SETX: variants seen among roughly 807,000 people sequenced by gnomAD.
The protein encoded by SETX is senataxin, also known as helicase senataxin.
A neutral mutation model predicts 227.2 loss-of-function variants in SETX; 90 were observed. The observed-to-expected ratio is 0.40, with a 90% CI of 0.33 to 0.47. SETX has a LOEUF of 0.47. Ranked by LOEUF, SETX falls within the 20% of genes least tolerant of loss-of-function variation. SETX has a pLI of 0.91. For synonymous variants in SETX, 1,210 were observed against 1,113.2 expected (o/e 1.09, Z -1.73); for missense variants, 3,052 against 3,181.5 (o/e 0.96, Z 0.98).
chr9:132,333,487 A>G (rs925862003), intron 7 of SETX, among the ~76,000 whole-genome samples: 1 of 150,886 alleles, frequency 6.6e-6, no homozygotes, highest in Non-Finnish European at 1.5e-5. Flanking sequence ...TAACATTAAT[A>G]TATTTATATT....
rs1163054039 is a variant in SETX, at chr9:132,326,501, G to A, written c.5097C>T (p.Asp1699=). Residue 1699 remains aspartate (D), a synonymous_variant, in exon 10 of 26, where the codon GAC becomes GAT. Coordinates refer to ENST00000224140, the MANE Select transcript of SETX (RefSeq NM_015046.7). Reference sequence around the variant, plus strand: ...ATTTTAAGACCTCTTTAACGAAGGTGTCAGAGACAGACTGTGATGACAAAA... The same window carrying A: ...ATTTTAAGACCTCTTTAACGAAGGTATCAGAGACAGACTGTGATGACAAAA... ...NILLSSQSVS[D]TFVKEVLKWK... The A allele has an allele frequency of 1.2e-6, 2 of 1,614,212 alleles. No homozygotes were observed. The highest frequency in any genetic ancestry group is 1.1e-5 in the South Asian group (1 of 91,084).
intron 22 of SETX, among the ~76,000 whole-genome samples, chr9:132,276,645 T>C (rs958417673): frequency 5.9e-5 from 9 of 152,226 alleles, no homozygotes; most frequent in African/African-American, 1.9e-4. Context: ...CATGCCCTTA[T>C]TCACAACCCA....
At chr9:132,309,838 G>A (rs1845550221) in intron 11 of SETX, among the ~76,000 whole-genome samples, 1 of 152,080 alleles carries the variant, frequency 6.6e-6, no homozygotes, top group Non-Finnish European at 1.5e-5. Context: ...TGGGGGCAAA[G>A]GAAGGCAAGA....
In SETX at chr9:132,336,382, T is replaced by A. The variant is rs534870011; in HGVS notation, c.632A>T (p.Tyr211Phe). 6.2e-7 allele frequency: 1 copy of A among 1,614,008 alleles called. No homozygotes were observed. Among genetic ancestry groups the A allele is most frequent in the African/African-American group, 1.3e-5 (1 of 74,928 alleles). ...ACCCTTCTCTAGGACAGAAGAAGTATAAATGTCTGGACTCTCTAAAAGCCC... is the reference window on the plus strand; with the variant it reads ...ACCCTTCTCTAGGACAGAAGAAGTAAAAATGTCTGGACTCTCTAAAAGCCC... ...ELGLLESPDIYTSSVLEKGKL... is the reference protein window; with the variant it reads ...ELGLLESPDIFTSSVLEKGKL... Residue 211 changes from tyrosine to phenylalanine, a missense_variant, in exon 6 of 26, where the codon TAT becomes TTT. Physicochemically the swap from Tyr to Phe is conservative, Grantham distance 22. Transcript: ENST00000224140.
Position 132,264,243 on chromosome 9 carries a change from A to C in SETX, c.8030T>G (p.Leu2677Ter). 4 of 1,613,936 alleles carry C rather than the reference A, an allele frequency of 2.5e-6. No individual in the cohort carries two copies. Among genetic ancestry groups the C allele is most frequent in the Non-Finnish European group, 3.4e-6 (4 of 1,179,976 alleles). The change falls in exon 26 of 26, where the codon TTA becomes TGA. Residue 2677 changes from leucine to a stop codon, truncating the protein, a stop_gained. Transcript: ENST00000224140. LOFTEE classifies it high-confidence loss of function. ...GGCCCATGTCACTGGGCTTTCCTAT[A>C]AAAGCTTTCTTTTCTTGGAACTGCT... Reference protein sequence around the residue: ...EDSSSKKRKLL With the variant: ...EDSSSKKRKL
At chr9:132,278,409 T>C (rs1361814091) in intron 20 of SETX, 152 bp from the exon 21 acceptor site, 2 of 623,154 alleles carry the variant, frequency 3.2e-6, no homozygotes, top group East Asian at 5.9e-5. Context: ...AAGGTGTTTC[T>C]GACTCTGAGC....
At chr9:132,350,308 C>T (rs927985546) in intron 2 of SETX, among the ~76,000 whole-genome samples, 1 of 152,214 alleles carries the variant, frequency 6.6e-6, no homozygotes, top group South Asian at 2.1e-4. Flanking sequence ...CAAGATTGCG[C>T]CACTGCACTC....
intron 20 of SETX, among the ~76,000 whole-genome samples, chr9:132,281,061 A>AT (rs1843472759): frequency 6.6e-6 from 1 of 152,220 alleles, no homozygotes; most frequent in African/African-American, 2.4e-5. Flanking sequence ...TTTAAACAAA[A>AT]ATGAGGAGGG....
At chr9:132,338,217 A>G (rs1381398350) in intron 5 of SETX, among the ~76,000 whole-genome samples, 1 of 149,884 alleles carries the variant, frequency 6.7e-6, no homozygotes, top group African/African-American at 2.5e-5. Flanking sequence ...TGAGCCTCCT[A>G]AGTAGCTGGG....
At chr9:132,312,912 A>C (rs550544535) in intron 10 of SETX, among the ~76,000 whole-genome samples, 2 of 152,362 alleles carry the variant, frequency 1.3e-5, no homozygotes, top group East Asian at 1.9e-4. Flanking sequence ...GGCAATAAAA[A>C]GCCATGGCCT....
intron 10 of SETX, among the ~76,000 whole-genome samples, chr9:132,322,416 T>G (rs1846420863): frequency 6.6e-6 from 1 of 152,140 alleles, no homozygotes. Flanking sequence ...TGACTACTAC[T>G]CATCTTTCTG....
chr9:132,295,882 C>T lies in SETX; in HGVS notation c.6096G>A (p.Lys2032=), dbSNP rs772831321. ...ACAAAAGTATCATACCTAAAGGATTCTTCTTGTCTTTACATTTTTCTTTGA... is the reference window on the plus strand; with the variant it reads ...ACAAAAGTATCATACCTAAAGGATTTTTCTTGTCTTTACATTTTTCTTTGA... The part of the protein sequence containing the change: ...LEFKEKCKDK[K]NPLGNCGDIN... The change falls in exon 15 of 26, where the codon AAG becomes AAA. Residue 2032 remains lysine, a synonymous_variant. Coordinates refer to ENST00000224140, the MANE Select transcript of SETX (RefSeq NM_015046.7). The T allele has an allele frequency of 8.1e-6, 13 of 1,613,240 alleles. No individual in the cohort carries two copies. In the South Asian group the frequency reaches 1.3e-4, roughly 16 times the overall value.
chr9:132,303,008 T>C (rs989404543), intron 11 of SETX, among the ~76,000 whole-genome samples: 29 of 152,114 alleles, frequency 1.9e-4, no homozygotes, highest in African/African-American at 6.5e-4. Context: ...AGCACCTATT[T>C]TTACATTGTT....
intron 22 of SETX, 32 bp downstream of exon 22, chr9:132,277,028 T>C: frequency 1.3e-6 from 2 of 1,536,762 alleles, no homozygotes; most frequent in Non-Finnish European, 1.8e-6. Context: ...ATTCTGGGAC[T>C]ATCAGAGGAC....
At position 132,326,431 on chromosome 9, in the gene SETX, CA is replaced by C. The variant is rs1329467678; in HGVS notation, c.5166del (p.Ala1723GlnfsTer28). ...MFLNFGQCGPPASLCQSISRP... is the reference protein window; with the variant it reads ...MFLNFGQCGPXASLCQSISRP... ...CTTGAGATGGACTGACAAAGACTTG[CA>C]GGGGGCCCACACTGACCAAAGTTCA... is the stretch of plus-strand genomic sequence containing the variant. On this transcript the variant is annotated frameshift_variant, in exon 10 of 26. Coordinates refer to ENST00000224140, the MANE Select transcript of SETX (RefSeq NM_015046.7). LOFTEE classifies it high-confidence loss of function. 1 of 1,614,024 alleles carries C rather than the reference CA, an allele frequency of 6.2e-7. No homozygotes were observed. Among genetic ancestry groups the C allele is most frequent in the Non-Finnish European group, 8.5e-7 (1 of 1,179,930 alleles).
At chr9:132,320,692 A>T (rs1412217893) in intron 10 of SETX, among the ~76,000 whole-genome samples, 1 of 152,184 alleles carries the variant, frequency 6.6e-6, no homozygotes, top group Non-Finnish European at 1.5e-5. Flanking sequence ...AAGACGGTTG[A>T]AATCGTATGG....
intron 15 of SETX, among the ~76,000 whole-genome samples, chr9:132,290,635 C>T (rs1412441029): frequency 2.0e-5 from 3 of 148,320 alleles, no homozygotes; most frequent in Admixed American, 6.7e-5. Context: ...CGGCTCAGGG[C>T]TGTAATCCTA....
At chr9:132,338,734 T>C (rs891743274) in intron 5 of SETX, among the ~76,000 whole-genome samples, 1 of 152,178 alleles carries the variant, frequency 6.6e-6, no homozygotes, top group African/African-American at 2.4e-5. Context: ...TTTTTTGTAT[T>C]GTTAGTAATA....
At chr9:132,317,311 T>C (rs546536319) in intron 10 of SETX, among the ~76,000 whole-genome samples, 2 of 152,308 alleles carry the variant, frequency 1.3e-5, no homozygotes, top group African/African-American at 4.8e-5. Context: ...GGGGTTTCTG[T>C]GTAGGTCATC....
Sources: gnomAD v4.1 joint callset for allele counts (sites outside exome capture counted in the v4.1 genomes callset) on GRCh38, gnomAD v4.1.1 for gene constraint, MANE v1.5 for transcripts, NCBI Gene and HGNC (gene_info 2026-07-23, HGNC 2026-07-21) for gene names.